FBXO22: variants seen among roughly 807,000 people sequenced by gnomAD.
The protein encoded by FBXO22 is F-box protein 22, also known as F-box only protein 22.
A neutral mutation model predicts 37.2 loss-of-function variants in FBXO22; 13 were observed. That is an observed-to-expected ratio of 0.35 (90% CI 0.23 to 0.56). The LOEUF (loss-of-function observed/expected upper bound fraction) is 0.56. FBXO22 is among the 20% of genes least tolerant of loss of function. The pLI, the probability that FBXO22 is intolerant of heterozygous loss-of-function variation, is 0.87. For synonymous variants in FBXO22, 189 were observed against 189.1 expected (o/e 1.00, Z 0.00); for missense variants, 446 against 509.9 (o/e 0.87, Z 1.21).
intron 5 of FBXO22, among the ~76,000 whole-genome samples, chr15:75,926,729 AGGAAGGATGG>A (rs1339852363): frequency 6.6e-6 from 1 of 152,186 alleles, no homozygotes; most frequent in Non-Finnish European, 1.5e-5. Flanking sequence ...AAAGGAGAGA[AGGAAGGATGG>A]GGAAGGATAG....
chr15:75,908,861 C>G (rs1480287286), intron 2 of FBXO22, among the ~76,000 whole-genome samples: 1 of 152,138 alleles, frequency 6.6e-6, no homozygotes, highest in African/African-American at 2.4e-5. Flanking sequence ...CTGTGTGGAC[C>G]AAGGAAACTA....
intron 2 of FBXO22, among the ~76,000 whole-genome samples, chr15:75,909,093 G>GA (rs1459000779): frequency 1.3e-5 from 2 of 152,126 alleles, no homozygotes; most frequent in Non-Finnish European, 2.9e-5. Context: ...AGCTAGCTTG[G>GA]AAAAATATAT....
At position 75,932,411 on chromosome 15, in the gene FBXO22, C is replaced by T. The variant is rs370789019; in HGVS notation, c.795-274C>T. Reference sequence around the variant, plus strand: ...GTAAGGAAACTGTACTTTCTAATAACCGGATATGGGTTTCAGAAATCGTTA... The same window carrying T: ...GTAAGGAAACTGTACTTTCTAATAATCGGATATGGGTTTCAGAAATCGTTA... On this transcript the variant is annotated intron_variant, in intron 6 of 6. Coordinates refer to ENST00000308275, the MANE Select transcript of FBXO22 (RefSeq NM_147188.3). Among the ~76,000 whole-genome samples, 6 of 152,224 alleles carry T rather than the reference C, an allele frequency of 3.9e-5. No homozygotes were observed. In the East Asian group the frequency reaches 9.6e-4, roughly 24 times the overall value.
chr15:75,917,360 T>G lies in FBXO22; in HGVS notation c.594T>G (p.Asn198Lys), dbSNP rs958355977. 1 of 1,602,690 alleles carries G rather than the reference T, an allele frequency of 6.2e-7. No individual in the cohort carries two copies. Among genetic ancestry groups the G allele is most frequent in the Non-Finnish European group, 8.5e-7 (1 of 1,171,034 alleles). Residue 198 changes from asparagine to lysine, a missense_variant, in exon 5 of 7, where the codon AAT becomes AAG. Physicochemically the swap from Asn to Lys is moderately conservative, Grantham distance 94. Coordinates refer to ENST00000308275, the MANE Select transcript of FBXO22 (RefSeq NM_147188.3). ...QPFHFIKDPK[N>K]LTLERHQLTE... is the part of the protein sequence containing the mutation. ...TTCATTTTATTAAGGATCCAAAGAA[T>G]TTAACATTAGAAAGACATCAACTCA...
intron 5 of FBXO22, among the ~76,000 whole-genome samples, chr15:75,924,718 C>G (rs956891129): frequency 6.6e-6 from 1 of 152,158 alleles, no homozygotes; most frequent in Non-Finnish European, 1.5e-5. Flanking sequence ...CTGTCTGTAC[C>G]ACAGACAGGA....
intron 2 of FBXO22, chr15:75,905,494 A>C (rs1003233493): frequency 2.5e-4 from 38 of 152,332 alleles, no homozygotes; most frequent in African/African-American, 7.0e-4. Context: ...TTACTTTAGT[A>C]CGGCTTACAG....
chr15:75,912,238 A>G (rs760121166), intron 2 of FBXO22, among the ~76,000 whole-genome samples: 13 of 151,412 alleles, frequency 8.6e-5, no homozygotes, highest in Non-Finnish European at 1.2e-4. Context: ...TTCTTTTTTT[A>G]TTGTGTCTCT....
chr15:75,919,459 G>T (rs1900271215), intron 5 of FBXO22, among the ~76,000 whole-genome samples: 1 of 152,076 alleles, frequency 6.6e-6, no homozygotes, highest in Non-Finnish European at 1.5e-5. Context: ...ATAAATAGAA[G>T]GTAGTCAACC....
intron 5 of FBXO22, among the ~76,000 whole-genome samples, chr15:75,919,577 T>C (rs1304763619): frequency 2.6e-5 from 4 of 152,182 alleles, no homozygotes; most frequent in African/African-American, 9.7e-5. Context: ...ATCTATAAAG[T>C]GGAAATAACT....
intron 5 of FBXO22, among the ~76,000 whole-genome samples, chr15:75,927,569 C>T (rs1217786457): frequency 6.6e-6 from 1 of 152,156 alleles, no homozygotes; most frequent in East Asian, 1.9e-4. Context: ...TCTCACAGGC[C>T]TCTCCCAACT....
At chr15:75,925,454 G>A (rs1259981184) in intron 5 of FBXO22, among the ~76,000 whole-genome samples, 1 of 5,844 alleles carries the variant, frequency 1.7e-4, no homozygotes, top group East Asian at 0.17. Context: ...GCCACCAAGA[G>A]GGGTAAAATA....
At chr15:75,904,427 G>A in intron 1 of FBXO22, 64 bp from the exon 2 acceptor site, 2 of 1,607,844 alleles carry the variant, frequency 1.2e-6, no homozygotes, top group Non-Finnish European at 1.7e-6. Context: ...GTGGGGGTTT[G>A]TGAGCTGTGG....
At chr15:75,916,157 T>A (rs1207873841) in intron 4 of FBXO22, among the ~76,000 whole-genome samples, 3 of 151,960 alleles carry the variant, frequency 2.0e-5, no homozygotes, top group African/African-American at 7.2e-5. Flanking sequence ...CAAAAGCACC[T>A]TTAAGCACCA....
At chr15:75,910,380 A>C (rs564476087) in intron 2 of FBXO22, 12 of 152,288 alleles carry the variant, frequency 7.9e-5, no homozygotes, top group Non-Finnish European at 1.6e-4. Context: ...TTGCACTCCT[A>C]CAAACAGTGT....
In FBXO22 at chr15:75,931,598, C is replaced by T. The variant is rs753492995; in HGVS notation, c.795-1087C>T. On this transcript the variant is annotated intron_variant, in intron 6 of 6. Transcript: ENST00000308275. ...TTACTTTAGTCACTTAACCTTTTTG[C>T]GTCTTAGTTTCTCACTAATCCAGTG... Among the ~76,000 whole-genome samples, 19 of 152,280 alleles carry T rather than the reference C, an allele frequency of 1.2e-4. 1 individual carries two copies. The highest frequency in any genetic ancestry group is 1.0e-4 in the Non-Finnish European group (7 of 68,022).
chr15:75,940,324 T>A lies in FBXO22; in HGVS notation c.*7222T>A, dbSNP rs2030815078. On this transcript the variant is annotated 3_prime_UTR_variant, in exon 7 of 7. Transcript: ENST00000308275. ...CTTGTACAATGAAAACTACAAAACA[T>A]TGCTTCAATAAAGATAAAAATAAAC... 1 of 151,628 alleles carries A rather than the reference T, an allele frequency of 6.6e-6. No individual in the cohort carries two copies. The highest frequency in any genetic ancestry group is 1.5e-5 in the Non-Finnish European group (1 of 67,914). The allele number at this position is 151,628 out of a possible 1,614,324, so 9.4% of individuals were successfully genotyped here.
chr15:75,913,515 T>G (rs1382482837), intron 3 of FBXO22, among the ~76,000 whole-genome samples: 1 of 152,152 alleles, frequency 6.6e-6, no homozygotes, highest in African/African-American at 2.4e-5. Context: ...GTTAGAAAGG[T>G]GTTGTTCTCA....
chr15:75,905,575 C>T (rs1169509500), intron 2 of FBXO22: 2 of 152,248 alleles, frequency 1.3e-5, no homozygotes, highest in Non-Finnish European at 2.9e-5. Flanking sequence ...ATTTTATCCT[C>T]AGACTCGGTT....
chr15:75,931,028 A>G (rs1442139015), intron 6 of FBXO22, among the ~76,000 whole-genome samples: 1 of 152,136 alleles, frequency 6.6e-6, no homozygotes, highest in African/African-American at 2.4e-5. Context: ...CAGGATATCA[A>G]ACACTGGATT....
Sources: allele counts gnomAD v4.1 joint callset (sites outside exome capture counted in the v4.1 genomes callset), GRCh38; gene constraint gnomAD v4.1.1; transcripts MANE v1.5; gene names NCBI Gene and HGNC (gene_info 2026-07-23, HGNC 2026-07-21).